GRM7: variants seen among roughly 807,000 people sequenced by gnomAD.
GRM7 encodes the protein metabotropic glutamate receptor 7.
In GRM7, 35 loss-of-function variants were observed where a neutral mutation model predicts 84.5. The ratio of observed to expected loss-of-function variants is 0.41; its 90% CI spans 0.32 to 0.55. The LOEUF is 0.55. GRM7 is among the 20% of genes least tolerant of loss of function. The pLI is 0.19. For synonymous variants in GRM7, 487 were observed against 455.1 expected (o/e 1.07, Z -0.89); for missense variants, 1,003 against 1,194.6 (o/e 0.84, Z 2.36).
At chr3:7,126,873 T>C (rs1424387373) in intron 1 of GRM7, among the ~76,000 whole-genome samples, 1 of 152,194 alleles carries the variant, frequency 6.6e-6, no homozygotes, top group Admixed American at 6.5e-5. Context: ...TAGCCAATGA[T>C]CTAAATTTGT....
intron 1 of GRM7, among the ~76,000 whole-genome samples, chr3:7,053,267 TTTATA>T (rs542387318): frequency 3.9e-4 from 59 of 151,550 alleles, no homozygotes; most frequent in Admixed American, 9.2e-4. Flanking sequence ...ATAAGAGCTC[TTTATA>T]TTAATATATT....
intron 1 of GRM7, among the ~76,000 whole-genome samples, chr3:6,925,066 G>C (rs1697252745): frequency 6.6e-6 from 1 of 152,168 alleles, no homozygotes; most frequent in Non-Finnish European, 1.5e-5. Flanking sequence ...AGAGATATGA[G>C]TGGGGAGAAT....
At chr3:7,323,860 T>G (rs1015426612) in intron 4 of GRM7, among the ~76,000 whole-genome samples, 2 of 152,194 alleles carry the variant, frequency 1.3e-5, no homozygotes, top group African/African-American at 4.8e-5. Context: ...AGAACTACTT[T>G]AGAGCTATAA....
chr3:7,169,387 A>G (rs1002480095), intron 2 of GRM7, among the ~76,000 whole-genome samples: 2 of 152,158 alleles, frequency 1.3e-5, no homozygotes, highest in Non-Finnish European at 2.9e-5. Context: ...TAGTGCTAAG[A>G]GGAGCTGGTG....
chr3:7,008,243 C>T (rs544716731), intron 1 of GRM7, among the ~76,000 whole-genome samples: 1 of 152,228 alleles, frequency 6.6e-6, no homozygotes, highest in East Asian at 1.9e-4. Flanking sequence ...GGCTAATTGG[C>T]TGTGCAGCAT....
intron 1 of GRM7, among the ~76,000 whole-genome samples, chr3:6,904,119 A>G (rs570061447): frequency 5.3e-5 from 8 of 152,180 alleles, no homozygotes; most frequent in Non-Finnish European, 1.2e-4. Context: ...ATTTTAATGT[A>G]GCCAAATTCA....
chr3:7,357,574 T>A (rs945122160), intron 4 of GRM7, among the ~76,000 whole-genome samples: 3 of 152,168 alleles, frequency 2.0e-5, no homozygotes, highest in Admixed American at 6.5e-5. Flanking sequence ...ATAGCTGGGC[T>A]ATTTTAAAAC....
intron 1 of GRM7, among the ~76,000 whole-genome samples, chr3:7,097,436 G>A (rs1338804615): frequency 6.6e-6 from 1 of 152,044 alleles, no homozygotes; most frequent in African/African-American, 2.4e-5. Context: ...CCTGAAAGAA[G>A]TATTATATGG....
chr3:7,733,621 CAGA>C (rs1292303236), intron 9 of GRM7, among the ~76,000 whole-genome samples: 3 of 152,204 alleles, frequency 2.0e-5, no homozygotes, highest in African/African-American at 7.2e-5. Context: ...GAATGCAGCT[CAGA>C]AGGTCTCAGC....
intron 1 of GRM7, among the ~76,000 whole-genome samples, chr3:6,869,862 T>C (rs1289243614): frequency 6.6e-6 from 1 of 152,180 alleles, no homozygotes; most frequent in Non-Finnish European, 1.5e-5. Context: ...TGCAGAGCTT[T>C]GGGAAAGTTA....
At chr3:6,929,524 T>A (rs1697424057) in intron 1 of GRM7, among the ~76,000 whole-genome samples, 1 of 151,054 alleles carries the variant, frequency 6.6e-6, no homozygotes, top group African/African-American at 2.4e-5. Flanking sequence ...TATGCTGTCT[T>A]TTTACTTTAT....
At chr3:6,975,020 A>T (rs186542406) in intron 1 of GRM7, among the ~76,000 whole-genome samples, 1 of 152,292 alleles carries the variant, frequency 6.6e-6, no homozygotes, top group East Asian at 1.9e-4. Flanking sequence ...GTTTTAGCAG[A>T]GGAAGTACTA....
intron 5 of GRM7, among the ~76,000 whole-genome samples, chr3:7,416,763 G>A (rs978511242): frequency 6.6e-6 from 1 of 152,058 alleles, no homozygotes; most frequent in Non-Finnish European, 1.5e-5. Flanking sequence ...AATAGTGGGG[G>A]AAAAGGGAAA....
intron 1 of GRM7, among the ~76,000 whole-genome samples, chr3:7,092,245 T>G (rs2125010114): frequency 6.6e-6 from 1 of 152,286 alleles, no homozygotes; most frequent in South Asian, 2.1e-4. Flanking sequence ...CTGAATTAAC[T>G]TTTTCCATGC....
chr3:7,265,392 G>C (rs889393735), intron 2 of GRM7, among the ~76,000 whole-genome samples: 1 of 152,112 alleles, frequency 6.6e-6, no homozygotes, highest in African/African-American at 2.4e-5. Flanking sequence ...AATTCTCTAA[G>C]TTGGATAATA....
chr3:7,020,166 A>G (rs1695725068), intron 1 of GRM7, among the ~76,000 whole-genome samples: 1 of 152,212 alleles, frequency 6.6e-6, no homozygotes, highest in Admixed American at 6.5e-5. Context: ...TTTTCTCTAA[A>G]AAATGTGCAA....
rs1575517990 is a variant in GRM7 at position 7,579,110 on chromosome 3, A to G, written c.2204A>G (p.His735Arg). The G allele has an allele frequency of 1.2e-6, 2 of 1,613,778 alleles. No homozygotes were observed. Among genetic ancestry groups the G allele is most frequent in the African/African-American group, 2.7e-5 (2 of 74,900 alleles). ...AACATCATCATAGACTATGATGAAC[A>G]CAAGACAATGAACCCTGAGCAAGCC... ...PPNIIIDYDE[H>R]KTMNPEQARG... Residue 735 changes from histidine to arginine, a missense_variant, in exon 8 of 10, where the codon CAC becomes CGC. Coordinates refer to ENST00000357716, the MANE Select transcript of GRM7 (RefSeq NM_000844.4).
At chr3:7,170,185 A>T (rs993792520) in intron 2 of GRM7, among the ~76,000 whole-genome samples, 2 of 152,104 alleles carry the variant, frequency 1.3e-5, no homozygotes, top group African/African-American at 4.8e-5. Context: ...TGGGGGAGTA[A>T]ATCGATTGTT....
In GRM7 at chr3:7,169,048, C is replaced by G. The variant is rs577650684; in HGVS notation, c.736+22380C>G. ...ATAAACTGTTCATAAACCGTAAAGT[C>G]AAACTTGTATTTAGCCTCCCTCACC... On this transcript the variant is annotated intron_variant, in intron 2 of 9. Coordinates refer to ENST00000357716, the MANE Select transcript of GRM7 (RefSeq NM_000844.4). Among the ~76,000 whole-genome samples the G allele has an allele frequency of 2.6e-5, 4 of 152,224 alleles. No individual in the cohort carries two copies. The South Asian group carries it at 8.3e-4, about 32-fold the overall frequency.
Sources: allele counts gnomAD v4.1 joint callset (sites outside exome capture counted in the v4.1 genomes callset), GRCh38; gene constraint gnomAD v4.1.1; transcripts MANE v1.5; gene names NCBI Gene and HGNC (gene_info 2026-07-23, HGNC 2026-07-21).